HACD3: variants seen among roughly 807,000 people sequenced by gnomAD.
HACD3 encodes the protein 3-hydroxyacyl-CoA dehydratase 3, also known as very-long-chain (3R)-3-hydroxyacyl-CoA dehydratase 3.
Under a neutral mutation model 55.2 loss-of-function variants are expected in HACD3, and 30 were observed. The observed-to-expected ratio is 0.54, with a 90% CI of 0.41 to 0.74. The LOEUF is 0.74. Among genes scored for constraint, HACD3 ranks in the 30% least tolerant of loss-of-function variants. HACD3 has a pLI of 0.00. For synonymous variants in HACD3, 141 were observed against 151.7 expected (o/e 0.93, Z 0.52); for missense variants, 363 against 440.1 (o/e 0.82, Z 1.57).
At chr15:65,574,155 A>G (rs2072378476) in intron 10 of HACD3, 1 of 152,192 alleles carries the variant, frequency 6.6e-6, no homozygotes, top group Non-Finnish European at 1.5e-5. Flanking sequence ...ATAGTTCCTG[A>G]AGGTCAGGAA....
intron 7 of HACD3, among the ~76,000 whole-genome samples, chr15:65,567,150 C>G (rs1168279677): frequency 6.6e-6 from 1 of 151,330 alleles, no homozygotes; most frequent in South Asian, 2.1e-4. Context: ...TAGTGAGACC[C>G]CATTTCTAAA....
At chr15:65,561,334 C>T (rs1197745537) in intron 5 of HACD3, among the ~76,000 whole-genome samples, 1 of 151,982 alleles carries the variant, frequency 6.6e-6, no homozygotes, top group African/African-American at 2.4e-5. Context: ...GGCGTGGTGG[C>T]GGAAGCCTGT....
intron 5 of HACD3, among the ~76,000 whole-genome samples, chr15:65,559,908 C>T (rs573309767): frequency 8.5e-5 from 13 of 152,222 alleles, no homozygotes; most frequent in African/African-American, 2.6e-4. Context: ...TACCTAAATT[C>T]ATAAAGTTTT....
At chr15:65,563,341 T>C (rs2072261559) in intron 6 of HACD3, among the ~76,000 whole-genome samples, 1 of 152,134 alleles carries the variant, frequency 6.6e-6, no homozygotes, top group Non-Finnish European at 1.5e-5. Context: ...TAAATTAATT[T>C]ATGTGTTTAG....
intron 1 of HACD3, among the ~76,000 whole-genome samples, chr15:65,546,751 A>G (rs1396416852): frequency 6.6e-6 from 1 of 151,916 alleles, no homozygotes; most frequent in African/African-American, 2.4e-5. Flanking sequence ...TAGTTTTTCA[A>G]TTTTTTTGTA....
At chr15:65,537,792 C>CA (rs59580579) in intron 1 of HACD3, among the ~76,000 whole-genome samples, 4 of 63,282 alleles carry the variant, frequency 6.3e-5, no homozygotes, top group African/African-American at 2.9e-4. Context: ...GACTCTGTCT[C>CA]AAAAAAAAAA....
At position 65,569,974 on chromosome 15, in the gene HACD3, G is replaced by A. The variant is rs563700366; in HGVS notation, c.661-117G>A. The A allele has an allele frequency of 6.7e-5, 42 of 627,244 alleles. No individual in the cohort carries two copies. The East Asian group carries it at 1.2e-3, about 17-fold the overall frequency. The allele number at this position is 627,244 out of a possible 1,614,324, so 38.9% of individuals were successfully genotyped here. A position where few individuals can be genotyped will look rare whatever the true frequency, so the allele number is the denominator to read the frequency against. The stretch of plus-strand genomic sequence containing the variant: ...GAACTGGAGCAGGATTAAACTGGTC[G>A]AGGTCAATCTTTTCTATTTGCCTTG... On this transcript the variant is annotated intron_variant, in intron 7 of 10. Transcript: ENST00000261875.
rs776518643 is a variant in HACD3 at position 65,576,313 on chromosome 15, A to G, written c.1023A>G (p.Ile341Met). 14 of 1,595,750 alleles carry G rather than the reference A, an allele frequency of 8.8e-6. No homozygotes were observed. In the East Asian group the frequency reaches 2.9e-4, roughly 33 times the overall value. The change falls in exon 11 of 11, where the codon ATA becomes ATG. Residue 341 changes from isoleucine to methionine, a missense_variant. Coordinates refer to ENST00000261875, the MANE Select transcript of HACD3 (RefSeq NM_016395.4). ...YLIMIFLGLY[I>M]NFRHLYKQRR... ...TCTTTTCTTTTTCAGGTTTATACAT[A>G]AATTTTCGTCACCTTTATAAACAGC...
At chr15:65,542,359 GCC>G (rs2072029580) in intron 1 of HACD3, among the ~76,000 whole-genome samples, 1 of 151,948 alleles carries the variant, frequency 6.6e-6, no homozygotes, top group Non-Finnish European at 1.5e-5. Context: ...CACCTCTCAG[GCC>G]CAAGTGAACC....
chr15:65,544,102 G>A (rs1173743892), intron 1 of HACD3, among the ~76,000 whole-genome samples: 2 of 152,262 alleles, frequency 1.3e-5, no homozygotes, highest in South Asian at 4.1e-4. Context: ...GCGTGAACCC[G>A]GGAGGCGGAG....
At chr15:65,558,404 C>G (rs2072214792) in intron 4 of HACD3, among the ~76,000 whole-genome samples, 1 of 152,226 alleles carries the variant, frequency 6.6e-6, no homozygotes. Context: ...GATGTCCTTT[C>G]CAGCTTTAAG....
chr15:65,540,189 T>C (rs1207943787), intron 1 of HACD3, among the ~76,000 whole-genome samples: 1 of 152,232 alleles, frequency 6.6e-6, no homozygotes, highest in Non-Finnish European at 1.5e-5. Context: ...CTAAGCTGTT[T>C]ATTACCACAG....
intron 7 of HACD3, among the ~76,000 whole-genome samples, chr15:65,569,763 G>T (rs1056667127): frequency 6.6e-6 from 1 of 152,156 alleles, no homozygotes; most frequent in Non-Finnish European, 1.5e-5. Context: ...ATTTATAGGG[G>T]TCCCACGTTT....
chr15:65,573,549 A>C (rs1291553139), intron 10 of HACD3, among the ~76,000 whole-genome samples: 1 of 152,098 alleles, frequency 6.6e-6, no homozygotes, highest in East Asian at 1.9e-4. Flanking sequence ...CAGAGGTTAC[A>C]ATGAACCGAG....
At chr15:65,555,719 G>A (rs1221332273) in intron 3 of HACD3, among the ~76,000 whole-genome samples, 1 of 152,174 alleles carries the variant, frequency 6.6e-6, no homozygotes, top group East Asian at 1.9e-4. Flanking sequence ...ATAAGAATTT[G>A]AGTTTAGTTG....
chr15:65,537,953 AAAAAAATATATATATATATATAT>A (rs1230198990), intron 1 of HACD3, among the ~76,000 whole-genome samples: 217 of 13,890 alleles, frequency 0.016, 7 homozygotes, highest in Admixed American at 0.022. Flanking sequence ...AAAAAAAAAA[AAAAAAATATATATATATATATAT>A]ATATATATAT....
intron 1 of HACD3, among the ~76,000 whole-genome samples, chr15:65,539,060 G>A (rs1489361950): frequency 1.3e-5 from 2 of 152,024 alleles, no homozygotes; most frequent in Non-Finnish European, 2.9e-5. Context: ...TGTGATATTA[G>A]CTTTATTGTG....
Position 65,530,491 on chromosome 15 carries a change from T to C in HACD3, c.-141T>C, listed in dbSNP as rs1350924442. On this transcript the variant is annotated 5_prime_UTR_variant, in exon 1 of 11. Coordinates refer to ENST00000261875, the MANE Select transcript of HACD3 (RefSeq NM_016395.4). ...ACTGCGCAGGCGCGGCCCGCGAGCG[T>C]GGGGTATCTCGAGGTGCCGGGTTGC... 1.5e-6 allele frequency: 1 copy of C among 655,124 alleles called. No homozygotes were observed. The highest frequency in any genetic ancestry group is 2.4e-6 in the Non-Finnish European group (1 of 418,450). 40.6% of individuals were successfully genotyped at this position (655,124 alleles called of 1,614,324 possible).
chr15:65,548,875 C>A (rs920719268), intron 1 of HACD3, among the ~76,000 whole-genome samples: 1 of 152,110 alleles, frequency 6.6e-6, no homozygotes, highest in Non-Finnish European at 1.5e-5. Flanking sequence ...CACTCTCTTT[C>A]TCTTTTTATT....
Sources: gnomAD v4.1 joint callset for allele counts (sites outside exome capture counted in the v4.1 genomes callset) on GRCh38, gnomAD v4.1.1 for gene constraint, MANE v1.5 for transcripts, NCBI Gene and HGNC (gene_info 2026-07-23, HGNC 2026-07-21) for gene names.